The following FARP1 variants were observed in gnomAD, a reference collection of about 807,000 sequenced individuals.
FARP1 encodes FERM, ARHGEF and pleckstrin domain-containing protein 1.
Under a neutral mutation model 128.8 loss-of-function variants are expected in FARP1, and 52 were observed. The observed-to-expected ratio is 0.40, with a 90% CI of 0.32 to 0.51. The LOEUF is 0.51. Among genes scored for constraint, FARP1 ranks in the 20% least tolerant of loss-of-function variants. FARP1 has a pLI of 0.45. For missense variants in FARP1, 1,333 were observed against 1,367.9 expected, an observed-to-expected ratio of 0.97 and a Z score of 0.40; for synonymous variants, 580 against 551.8, an observed-to-expected ratio of 1.05 and a Z score of -0.72.
At chr13:98,195,391 GT>G (rs1431063955) in intron 1 of FARP1, among the ~76,000 whole-genome samples, 1 of 152,182 alleles carries the variant, frequency 6.6e-6, no homozygotes, top group African/African-American at 2.4e-5. Flanking sequence ...TTGTTTGTTT[GT>G]TTGGTTGGTT....
At chr13:98,330,754 C>A (rs79657402) in intron 2 of FARP1, among the ~76,000 whole-genome samples, 6 of 147,106 alleles carry the variant, frequency 4.1e-5, no homozygotes, top group Non-Finnish European at 3.0e-5. Context: ...GACTCCATCT[C>A]AAAAAAAAAA....
At chr13:98,256,167 C>T (rs1216609031) in intron 2 of FARP1, among the ~76,000 whole-genome samples, 1 of 152,082 alleles carries the variant, frequency 6.6e-6, no homozygotes, top group Non-Finnish European at 1.5e-5. Flanking sequence ...ATAGGTCCAC[C>T]TAAGTTACGG....
intron 17 of FARP1, among the ~76,000 whole-genome samples, chr13:98,428,269 C>T (rs548229692): frequency 3.1e-4 from 47 of 152,318 alleles, no homozygotes; most frequent in African/African-American, 7.5e-4. Context: ...CGCACAAAAA[C>T]GCTTGGAAAT....
chr13:98,354,688 C>A (rs1888570901), intron 3 of FARP1, among the ~76,000 whole-genome samples: 1 of 152,086 alleles, frequency 6.6e-6, no homozygotes, highest in Non-Finnish European at 1.5e-5. Context: ...AGCTTATGTC[C>A]ATAAAAATAA....
At chr13:98,342,774 C>G (rs1888023414) in intron 2 of FARP1, among the ~76,000 whole-genome samples, 1 of 152,012 alleles carries the variant, frequency 6.6e-6, no homozygotes, top group South Asian at 2.1e-4. Context: ...CCTGTAATCC[C>G]AGCACTTTGG....
At chr13:98,145,164 G>A (rs1875428819) in intron 1 of FARP1, among the ~76,000 whole-genome samples, 1 of 152,112 alleles carries the variant, frequency 6.6e-6, no homozygotes, top group Admixed American at 6.5e-5. Context: ...CTAGCCCAGC[G>A]CCTCCCAGAA....
chr13:98,305,676 G>A (rs1238935338), intron 2 of FARP1, among the ~76,000 whole-genome samples: 2 of 152,086 alleles, frequency 1.3e-5, no homozygotes, highest in South Asian at 2.1e-4. Flanking sequence ...CTTTAAGGAC[G>A]CCTTCATCAT....
chr13:98,415,220 G>A (rs1192694600), intron 16 of FARP1, among the ~76,000 whole-genome samples: 2 of 152,194 alleles, frequency 1.3e-5, no homozygotes, highest in East Asian at 3.9e-4. Context: ...GCCCTATCCA[G>A]TTCTCTTGAA....
intron 25 of FARP1, 119 bp from the exon 26 acceptor site, chr13:98,446,547 C>G: frequency 9.6e-7 from 1 of 1,046,816 alleles, no homozygotes; most frequent in South Asian, 1.4e-5. Context: ...CCTTCCAGGC[C>G]CACGCCCGAG....
intron 21 of FARP1, among the ~76,000 whole-genome samples, chr13:98,439,445 T>C (rs1386561242): frequency 6.6e-6 from 1 of 152,148 alleles, no homozygotes; most frequent in African/African-American, 2.4e-5. Flanking sequence ...GCACATGGGA[T>C]GTGCAGGTCC....
chr13:98,421,986 T>C (rs1296576067), intron 16 of FARP1, among the ~76,000 whole-genome samples: 2 of 152,122 alleles, frequency 1.3e-5, no homozygotes, highest in African/African-American at 2.4e-5. Context: ...CTCTGGATGG[T>C]CTAAGAAATG....
intron 2 of FARP1, chr13:98,331,901 C>A (rs17489993): frequency 0.16 from 24,132 of 152,156 alleles, 2,563 homozygotes; most frequent in Non-Finnish European, 0.24. Flanking sequence ...GTAATAGCTT[C>A]ATCTGTTGAA....
chr13:98,187,102 G>A (rs1477588472), intron 1 of FARP1, among the ~76,000 whole-genome samples: 1 of 148,870 alleles, frequency 6.7e-6, no homozygotes, highest in African/African-American at 2.5e-5. Flanking sequence ...TGGAATCACT[G>A]TATCGTATGG....
At chr13:98,427,981 A>G (rs1386542683) in intron 17 of FARP1, among the ~76,000 whole-genome samples, 1 of 152,164 alleles carries the variant, frequency 6.6e-6, no homozygotes, top group Non-Finnish European at 1.5e-5. Flanking sequence ...GTTTCCAGAA[A>G]TGTGAGAAGC....
At chr13:98,282,131 C>G (rs1884965329) in intron 2 of FARP1, among the ~76,000 whole-genome samples, 2 of 151,948 alleles carry the variant, frequency 1.3e-5, no homozygotes, top group African/African-American at 4.8e-5. Context: ...ATGGTGAAAC[C>G]CTGTCTCTAA....
chr13:98,180,873 T>TAA (rs2139200492), intron 1 of FARP1, among the ~76,000 whole-genome samples: 1 of 152,342 alleles, frequency 6.6e-6, no homozygotes, highest in African/African-American at 2.4e-5. Context: ...TATTTCTCCA[T>TAA]AATGTGCATT....
intron 2 of FARP1, among the ~76,000 whole-genome samples, chr13:98,250,970 CT>C (rs1883295023): frequency 1.3e-5 from 2 of 152,306 alleles, no homozygotes; most frequent in East Asian, 3.9e-4. Context: ...TGTGTGGCCC[CT>C]GGTCTTTGAT....
At chr13:98,230,986 G>T (rs1882076751) in intron 2 of FARP1, among the ~76,000 whole-genome samples, 1 of 152,170 alleles carries the variant, frequency 6.6e-6, no homozygotes, top group Admixed American at 6.5e-5. Context: ...GTACGGGGGA[G>T]TTGCCCTTTA....
At chr13:98,446,364 C>G in intron 25 of FARP1, 159 bp downstream of exon 25, 1 of 611,150 alleles carries the variant, frequency 1.6e-6, no homozygotes, top group Non-Finnish European at 2.9e-6. Flanking sequence ...CCGAGGCCCT[C>G]AACTCTAGGG....
Sources: allele counts gnomAD v4.1 joint callset (sites outside exome capture counted in the v4.1 genomes callset), GRCh38; gene constraint gnomAD v4.1.1; transcripts MANE v1.5; gene names NCBI Gene and HGNC (gene_info 2026-07-23, HGNC 2026-07-21).